The following ZBTB38 variants were observed in gnomAD, a reference collection of about 807,000 sequenced individuals.
ZBTB38 encodes the protein zinc finger and BTB domain-containing protein 38.
In ZBTB38, 20 loss-of-function variants were observed where a neutral mutation model predicts 76.8. That is an observed-to-expected ratio of 0.26 (90% CI 0.18 to 0.38). The LOEUF (loss-of-function observed/expected upper bound fraction) is 0.38. Among genes scored for constraint, ZBTB38 ranks in the 10% least tolerant of loss-of-function variants. The pLI is 1.00. For missense variants in ZBTB38, 1,082 were observed against 1,482.3 expected (o/e 0.73, Z 4.43); for synonymous variants, 504 against 544.2 (o/e 0.93, Z 1.03).
chr3:141,331,054 A>G (rs1322621817), intron 1 of ZBTB38, among the ~76,000 whole-genome samples: 1 of 152,260 alleles, frequency 6.6e-6, no homozygotes, highest in Non-Finnish European at 1.5e-5. Flanking sequence ...ATGATCAAAG[A>G]GAAGATATAT....
chr3:141,400,033 A>T, intron 4 of ZBTB38, among the ~76,000 whole-genome samples: 1 of 125,950 alleles, frequency 7.9e-6, no homozygotes. Flanking sequence ...AATGAGAAGT[A>T]TTATAAAGAT....
At chr3:141,412,930 G>A (rs187472442) in intron 5 of ZBTB38, among the ~76,000 whole-genome samples, 10 of 152,228 alleles carry the variant, frequency 6.6e-5, no homozygotes, top group South Asian at 2.1e-4. Flanking sequence ...TGGGCTTGCC[G>A]GACAGCTCTG....
intron 2 of ZBTB38, among the ~76,000 whole-genome samples, chr3:141,371,172 C>A (rs1944550088): frequency 6.7e-6 from 1 of 149,712 alleles, no homozygotes; most frequent in Non-Finnish European, 1.5e-5. Context: ...ACTGCCTCAG[C>A]CTCCTGAGTA....
chr3:141,352,227 G>A lies in ZBTB38; in HGVS notation c.-738-16394G>A, dbSNP rs571753480. 2.7e-4 allele frequency among the ~76,000 whole-genome samples: 41 copies of A among 152,186 alleles called. 1 individual carries two copies. Among genetic ancestry groups the A allele is most frequent in the Middle Eastern group, 3.4e-3 (1 of 292 alleles). Reference sequence around the variant, plus strand: ...AAAGAAGCTAGAGTGGAGAGAGTGGGCTGCTATTTCATGCAGAAACCCAAA... The same window carrying A: ...AAAGAAGCTAGAGTGGAGAGAGTGGACTGCTATTTCATGCAGAAACCCAAA... On this transcript the variant is annotated intron_variant, in intron 1 of 7. Coordinates refer to the ZBTB38 transcript ENST00000509842.
chr3:141,384,109 G>C (rs1196062737), intron 3 of ZBTB38, among the ~76,000 whole-genome samples: 1 of 152,172 alleles, frequency 6.6e-6, no homozygotes, highest in Non-Finnish European at 1.5e-5. Context: ...GAGCAGGTCT[G>C]GTAAACGTAC....
rs761868685 is a variant in ZBTB38, at chr3:141,445,869, G to A, written c.3481G>A (p.Val1161Met). Residue 1161 changes from valine (V) to methionine (M), a missense_variant, in exon 6 of 6, where the codon GTG (valine) becomes ATG (methionine). Physicochemically the swap from Val to Met is conservative, Grantham distance 21 (BLOSUM62 1). This residue lies in a region of ZBTB38 where 54 missense variants were observed against 57.9 expected (regional missense o/e 0.93). Transcript: ENST00000321464. This position sits in a 1 kb window ranked among gnomAD's most constrained non-coding sequence, Gnocchi z 6.5. The part of the protein sequence containing the change: ...SPSQQEKIGD[V>M]CHENSNPLEN... Reference sequence around the variant, plus strand: ...AAGTCAGCAGGAGAAAATAGGTGACGTGTGCCACGAAAACTCAAATCCCTT... The same window carrying A: ...AAGTCAGCAGGAGAAAATAGGTGACATGTGCCACGAAAACTCAAATCCCTT... 71 of 1,612,776 alleles carry A rather than the reference G, an allele frequency of 4.4e-5. No individual in the cohort carries two copies. Among genetic ancestry groups the A allele is most frequent in the Middle Eastern group, 1.6e-4 (1 of 6,084 alleles).
chr3:141,353,231 G>A (rs1024048439), intron 1 of ZBTB38, among the ~76,000 whole-genome samples: 1 of 151,542 alleles, frequency 6.6e-6, no homozygotes, highest in African/African-American at 2.4e-5. Context: ...CTCTTCTACC[G>A]CCTCCTCTTT....
In ZBTB38 at chr3:141,368,544, TAAAG is replaced by T. The variant is rs946192099; in HGVS notation, c.-568_-565del. 2.5e-4 allele frequency: 38 copies of T among 152,274 alleles called. No individual in the cohort carries two copies. The highest frequency in any genetic ancestry group is 8.9e-4 in the African/African-American group (37 of 41,540). 9.4% of individuals were successfully genotyped at this position (152,274 alleles called of 1,614,324 possible). A position where few individuals can be genotyped will look rare whatever the true frequency, so the allele number is the denominator to read the frequency against. On this transcript the variant is annotated 5_prime_UTR_variant, in exon 1 of 6. Coordinates refer to ENST00000321464, the MANE Select transcript of ZBTB38 (RefSeq NM_001376113.1). ...CTCGCAGCTGCAGCAAATCTCAAAA[TAAAG>T]AGGCAACGGCCTTTCTCTTCCTCTC... is the stretch of plus-strand genomic sequence containing the variant.
At chr3:141,346,737 G>A (rs1467745386) in intron 1 of ZBTB38, among the ~76,000 whole-genome samples, 1 of 151,244 alleles carries the variant, frequency 6.6e-6, no homozygotes, top group Admixed American at 6.6e-5. Context: ...CAGGCTGAAG[G>A]CACCCCTGCT....
chr3:141,433,399 C>T (rs781251525), intron 5 of ZBTB38, among the ~76,000 whole-genome samples: 1 of 151,678 alleles, frequency 6.6e-6, no homozygotes, highest in African/African-American at 2.4e-5. Context: ...TACACTCTTA[C>T]AGTCATTGGG....
At chr3:141,414,635 A>G (rs1290914342) in intron 5 of ZBTB38, among the ~76,000 whole-genome samples, 1 of 152,200 alleles carries the variant, frequency 6.6e-6, no homozygotes, top group East Asian at 1.9e-4. Context: ...GTGAGACAGG[A>G]AGAACATCAG....
At position 141,347,771 on chromosome 3, in the gene ZBTB38, T is replaced by C. The variant is rs182940023; in HGVS notation, c.-738-20850T>C. Among the ~76,000 whole-genome samples the C allele has an allele frequency of 7.1e-3, 1,079 of 152,362 alleles. 13 individuals carry two copies. The highest frequency in any genetic ancestry group is 0.023 in the African/African-American group (955 of 41,588). ...CCAGAAAGGCTGCCATGGTTGTGGCTGTTCTCAGTGACCCTAGTCCCTGGA... is the reference window on the plus strand; with the variant it reads ...CCAGAAAGGCTGCCATGGTTGTGGCCGTTCTCAGTGACCCTAGTCCCTGGA... On this transcript the variant is annotated intron_variant, in intron 1 of 7. Coordinates refer to the ZBTB38 transcript ENST00000509842.
intron 5 of ZBTB38, among the ~76,000 whole-genome samples, chr3:141,431,341 A>AAAAAAAATATAAATATAT: frequency 9.7e-6 from 1 of 103,296 alleles, no homozygotes; most frequent in South Asian, 2.7e-4. Context: ...AAAAAAAAAA[A>AAAAAAAATATAAATATAT]ATATATATAT....
At chr3:141,369,104 C>T (rs1944170290) in intron 1 of ZBTB38, among the ~76,000 whole-genome samples, 1 of 152,014 alleles carries the variant, frequency 6.6e-6, no homozygotes, top group Non-Finnish European at 1.5e-5. Context: ...CTCCCCTCAC[C>T]TGAGTATTCC....
chr3:141,411,225 C>T (rs900872215), intron 5 of ZBTB38, among the ~76,000 whole-genome samples: 18 of 152,194 alleles, frequency 1.2e-4, no homozygotes, highest in African/African-American at 4.3e-4. Flanking sequence ...TACTTTTGTG[C>T]GTTTTCATGT....
chr3:141,426,713 AT>A (rs2076467673), intron 5 of ZBTB38, among the ~76,000 whole-genome samples: 1 of 152,212 alleles, frequency 6.6e-6, no homozygotes, highest in Non-Finnish European at 1.5e-5. Flanking sequence ...ATTTTAAAGA[AT>A]TTGTTGCCAA....
chr3:141,378,872 C>A (rs1387197578), intron 2 of ZBTB38, among the ~76,000 whole-genome samples: 2 of 152,240 alleles, frequency 1.3e-5, no homozygotes, highest in Non-Finnish European at 2.9e-5. Flanking sequence ...AAGAAATGGT[C>A]TCATGGTGAA....
chr3:141,383,472 A>G (rs536783540), intron 3 of ZBTB38, among the ~76,000 whole-genome samples: 8 of 152,348 alleles, frequency 5.3e-5, no homozygotes, highest in Admixed American at 5.2e-4. Context: ...AAAAGAACCC[A>G]GCTGTAATGT....
intron 4 of ZBTB38, among the ~76,000 whole-genome samples, chr3:141,402,169 C>T (rs550423959): frequency 6.6e-6 from 1 of 152,282 alleles, no homozygotes; most frequent in Middle Eastern, 3.4e-3. Flanking sequence ...GGGCATGGGG[C>T]CTTACGGGGC....
Sources: gnomAD v4.1 joint callset for allele counts (sites outside exome capture counted in the v4.1 genomes callset) on GRCh38, gnomAD v4.1.1 for gene constraint, gnomAD v4.1.1 regional missense constraint, Gnocchi (gnomAD v3.1) non-coding constraint, MANE v1.5 for transcripts, NCBI Gene and HGNC (gene_info 2026-07-23, HGNC 2026-07-21) for gene names.